Variants in OLR1 observed in about 807,000 individuals in gnomAD.
The protein encoded by OLR1 is oxidized low-density lipoprotein receptor 1.
Under a neutral mutation model 31.7 loss-of-function variants are expected in OLR1, and 23 were observed. That is an observed-to-expected ratio of 0.72 (90% CI 0.52 to 1.03). The LOEUF (loss-of-function observed/expected upper bound fraction) is 1.03. Among genes scored for constraint, OLR1 ranks in the 50% least tolerant of loss-of-function variants. The pLI, the probability that OLR1 is intolerant of heterozygous loss-of-function variation, is 0.00. For missense variants in OLR1, 286 were observed against 315.7 expected (o/e 0.91, Z 0.71); for synonymous variants, 117 against 115.8 (o/e 1.01, Z -0.07).
intron 3 of OLR1, among the ~76,000 whole-genome samples, chr12:10,161,962 T>A (rs1231691651): frequency 6.8e-6 from 1 of 147,970 alleles, no homozygotes; most frequent in African/African-American, 2.5e-5. Context: ...ACATACTATA[T>A]TTCTTTTGTA....
chr12:10,170,005 T>G (rs1377075767), intron 1 of OLR1, among the ~76,000 whole-genome samples: 1 of 152,166 alleles, frequency 6.6e-6, no homozygotes, highest in Non-Finnish European at 1.5e-5. Flanking sequence ...CCTTGTGAGA[T>G]AAACAAATAA....
rs1242792616 is a variant in OLR1, at chr12:10,170,062, GT to G, written c.77-888del. On this transcript the variant is annotated intron_variant, in intron 1 of 5. Transcript: ENST00000309539. The stretch of plus-strand genomic sequence containing the variant: ...TGTATGCAAATAAGGAGACTGAAAG[GT>G]TTAGTGACTTGCTTAAGATCACACA... 1.1e-4 allele frequency among the ~76,000 whole-genome samples: 17 copies of G among 152,206 alleles called. 1 individual carries two copies. Among genetic ancestry groups the G allele is most frequent in the Admixed American group, 6.5e-5 (1 of 15,268 alleles).
chr12:10,161,945 A>AT (rs1555087097), intron 3 of OLR1, among the ~76,000 whole-genome samples: 31,687 of 79,088 alleles, frequency 0.4, 3,819 homozygotes, highest in East Asian at 0.62. Context: ...ATATATATAT[A>AT]AAAAACACAT....
At chr12:10,169,392 T>C (rs35867505) in intron 1 of OLR1, among the ~76,000 whole-genome samples, 70 of 152,336 alleles carry the variant, frequency 4.6e-4, no homozygotes, top group African/African-American at 1.7e-3. Context: ...TTAAGGAATT[T>C]AAGTAATTTA....
chr12:10,162,128 C>G (rs1948625965), intron 3 of OLR1, among the ~76,000 whole-genome samples: 1 of 152,098 alleles, frequency 6.6e-6, no homozygotes, highest in South Asian at 2.1e-4. Context: ...ATACCAATGT[C>G]TACATGTTTA....
upstream of OLR1, among the ~76,000 whole-genome samples, chr12:10,172,926 C>CT (rs1948735542): frequency 1.3e-5 from 2 of 152,054 alleles, no homozygotes. Flanking sequence ...AAATAATAAG[C>CT]TTTTTTACAC....
upstream of OLR1, among the ~76,000 whole-genome samples, chr12:10,176,032 C>T (rs941283276): frequency 5.3e-5 from 8 of 152,196 alleles, no homozygotes; most frequent in African/African-American, 1.9e-4. Context: ...CCTTAACTAC[C>T]TGGACATAAG....
chr12:10,173,063 T>C (rs892370959), upstream of OLR1, among the ~76,000 whole-genome samples: 15 of 152,320 alleles, frequency 9.8e-5, no homozygotes, highest in African/African-American at 3.6e-4. Flanking sequence ...GTACTAATAT[T>C]CAGCACAGTT....
intron 1 of OLR1, among the ~76,000 whole-genome samples, chr12:10,171,222 A>G (rs1398609428): frequency 1.3e-5 from 2 of 152,200 alleles, no homozygotes; most frequent in East Asian, 1.9e-4. Context: ...GTTTTTGGAA[A>G]TGTAATTTGG....
At chr12:10,167,771 T>C (rs1948675180) in intron 2 of OLR1, 1 of 151,168 alleles carries the variant, frequency 6.6e-6, no homozygotes, top group Admixed American at 6.6e-5. Flanking sequence ...TTTCTTTTCT[T>C]TTTTTTTTCC....
chr12:10,174,616 A>T (rs754895902), upstream of OLR1, among the ~76,000 whole-genome samples: 4 of 152,000 alleles, frequency 2.6e-5, no homozygotes, highest in Non-Finnish European at 4.4e-5. Context: ...GGCAGCCCAC[A>T]CTCCAGATTT....
intron 1 of OLR1, among the ~76,000 whole-genome samples, chr12:10,169,511 T>G (rs1417657222): frequency 6.6e-6 from 1 of 152,120 alleles, no homozygotes; most frequent in Non-Finnish European, 1.5e-5. Flanking sequence ...CGACAATTAC[T>G]CCTCAAGAAA....
rs188242356 is a variant in OLR1 at position 10,169,165 on chromosome 12, A to G, written c.87T>C (p.Phe29=). 5.3e-5 allele frequency: 86 copies of G among 1,612,780 alleles called. No individual in the cohort carries two copies. The East Asian group carries it at 1.8e-3, about 34-fold the overall frequency. ...SNGKKAKGLQ[F]LYSPWWCLAA... ...CCAGGCACCACCATGGAGAGTAAAGAAACTGAAGACCTAGAGTGACAGAGG... is the reference window on the plus strand; with the variant it reads ...CCAGGCACCACCATGGAGAGTAAAGGAACTGAAGACCTAGAGTGACAGAGG... Residue 29 remains phenylalanine, a synonymous_variant, in exon 2 of 6, where the codon TTT becomes TTC. Coordinates refer to ENST00000309539, the MANE Select transcript of OLR1 (RefSeq NM_002543.4).
chr12:10,160,486 T>C (rs745703657), intron 4 of OLR1, 24 bp from the exon 5 acceptor site: 1 of 1,550,526 alleles, frequency 6.4e-7, no homozygotes, highest in South Asian at 1.1e-5. Flanking sequence ...TGTTTCTGAG[T>C]TTGTGGAATC....
rs1193435510 is a variant in OLR1 at position 10,172,056 on chromosome 12, T to C, written c.22A>G (p.Ile8Val). The part of the protein sequence containing the change: MTFDDLK[I>V]QTVKDQPDEK... ...TCAGGCTGGTCCTTCACAGTCTGGA[T>C]CTTTAGGTCATCAAAAGTCATTTCC... Residue 8 changes from isoleucine (I) to valine (V), a missense_variant, in exon 1 of 6, where the codon ATC becomes GTC. Ile to Val is a conservative substitution (Grantham distance 29). Coordinates refer to ENST00000309539, the MANE Select transcript of OLR1 (RefSeq NM_002543.4). The C allele has an allele frequency of 6.2e-7, 1 of 1,613,836 alleles. No individual in the cohort carries two copies. Among genetic ancestry groups the C allele is most frequent in the Admixed American group, 1.7e-5 (1 of 60,018 alleles).
rs778566532 is a variant in OLR1, at chr12:10,160,056, A to C, written c.681-35T>G. The C allele has an allele frequency of 4.1e-4, 641 of 1,571,838 alleles. 2 individuals carry two copies. The highest frequency in any genetic ancestry group is 3.8e-3 in the Middle Eastern group (22 of 5,856). ...GGAAAAAACAAAACAAACCAACAAAAAAACTTAGGTTTACTGCCACCTTGT... is the reference window on the plus strand; with the variant it reads ...GGAAAAAACAAAACAAACCAACAAACAAACTTAGGTTTACTGCCACCTTGT... On this transcript the variant is annotated intron_variant, in intron 5 of 5. Coordinates refer to ENST00000309539, the MANE Select transcript of OLR1 (RefSeq NM_002543.4).
rs1197273482 is a variant in OLR1 at position 10,160,958 on chromosome 12, A to T, written c.425-33T>A. ...GGATAGTATATCTCATCAGTCAGTT[A>T]TGTTTGTGTAAAAGCAGTACTGCAG... On this transcript the variant is annotated intron_variant, in intron 3 of 5. Coordinates refer to ENST00000309539, the MANE Select transcript of OLR1 (RefSeq NM_002543.4). 2.5e-6 allele frequency: 4 copies of T among 1,600,948 alleles called. No individual in the cohort carries two copies. In the African/African-American group the frequency reaches 5.4e-5, roughly 21 times the overall value.
Position 10,159,848 on chromosome 12 carries a change from G to T in OLR1, c.*32C>A. On this transcript the variant is annotated 3_prime_UTR_variant, in exon 6 of 6. Coordinates refer to ENST00000309539, the MANE Select transcript of OLR1 (RefSeq NM_002543.4). Reference sequence around the variant, plus strand: ...CTTAAATTCCAGAATAAAACTCAAAGACTTTTTTCTTTTCTTCCAGAGCCT... The same window carrying T: ...CTTAAATTCCAGAATAAAACTCAAATACTTTTTTCTTTTCTTCCAGAGCCT... The T allele has an allele frequency of 6.4e-7, 1 of 1,568,708 alleles. No individual in the cohort carries two copies. Among genetic ancestry groups the T allele is most frequent in the Non-Finnish European group, 8.7e-7 (1 of 1,155,508 alleles).
chr12:10,160,801 A>G lies in OLR1; in HGVS notation c.549T>C (p.Asn183=). The change falls in exon 4 of 6, where the codon AAT becomes AAC. Residue 183 remains asparagine (N), a synonymous_variant. Coordinates refer to ENST00000309539, the MANE Select transcript of OLR1 (RefSeq NM_002543.4). ...LSLDAKLLKI[N]STADLDFIQQ... Reference sequence around the variant, plus strand: ...GAACACTCACCAGATCAGCTGTGCTATTAATTTTCAGCAACTTGGCATCCA... The same window carrying G: ...GAACACTCACCAGATCAGCTGTGCTGTTAATTTTCAGCAACTTGGCATCCA... The G allele has an allele frequency of 6.2e-7, 1 of 1,614,216 alleles. No homozygotes were observed. Among genetic ancestry groups the G allele is most frequent in the Non-Finnish European group, 8.5e-7 (1 of 1,180,016 alleles).
Sources: gnomAD v4.1 joint callset for allele counts (sites outside exome capture counted in the v4.1 genomes callset) on GRCh38, gnomAD v4.1.1 for gene constraint, MANE v1.5 for transcripts, NCBI Gene and HGNC (gene_info 2026-07-23, HGNC 2026-07-21) for gene names.